The following INVS variants were observed in gnomAD, a reference collection of about 807,000 sequenced individuals.
The protein encoded by INVS is inversin, also known as inversion of embryo turning homolog.
In INVS, 86 loss-of-function variants were observed where a neutral mutation model predicts 108.8. The ratio of observed to expected loss-of-function variants is 0.79; its 90% confidence interval spans 0.66 to 0.95. The LOEUF (loss-of-function observed/expected upper bound fraction) is 0.95, where lower values mean the gene tolerates loss of function less well. Ranked by LOEUF, INVS falls within the 40% of genes least tolerant of loss-of-function variation. The pLI is 0.00. For missense variants in INVS, 1,169 were observed against 1,297.4 expected (o/e 0.90, Z 1.52); for synonymous variants, 455 against 473.5 (o/e 0.96, Z 0.51).
intron 3 of INVS, among the ~76,000 whole-genome samples, chr9:100,219,920 T>G (rs1831095383): frequency 6.6e-6 from 1 of 151,726 alleles, no homozygotes; most frequent in Non-Finnish European, 1.5e-5. Context: ...AATAGAAGCA[T>G]AAAAACATTC....
intron 7 of INVS, among the ~76,000 whole-genome samples, chr9:100,245,575 C>T (rs935473461): frequency 2.6e-5 from 4 of 152,124 alleles, no homozygotes; most frequent in African/African-American, 4.8e-5. Context: ...CCACTGCGCC[C>T]GGCCCAGTCC....
Position 100,233,422 on chromosome 9 carries a change from TGA to T in INVS, c.615+3601_615+3602del, listed in dbSNP as rs538020498. On this transcript the variant is annotated intron_variant, in intron 5 of 16. Coordinates refer to ENST00000262457, the MANE Select transcript of INVS (RefSeq NM_014425.5). ...CCAATACTATGTTGAATAGGAGTGG[TGA>T]GAGAGGGTATCCTTGTCTTGTGCCA... 7.2e-5 allele frequency among the ~76,000 whole-genome samples: 11 copies of T among 152,296 alleles called. No homozygotes were observed. The South Asian group carries it at 2.3e-3, about 32-fold the overall frequency.
chr9:100,183,354 GCAGA>G (rs2119079516), intron 3 of INVS, among the ~76,000 whole-genome samples: 1 of 152,268 alleles, frequency 6.6e-6, no homozygotes, highest in Admixed American at 6.5e-5. Context: ...ATAGGCACAT[GCAGA>G]CAGTAAAATA....
intron 4 of INVS, among the ~76,000 whole-genome samples, chr9:100,226,810 C>CAAAA (rs59853701): frequency 1.0e-4 from 8 of 78,788 alleles, no homozygotes; most frequent in Non-Finnish European, 1.8e-4. Flanking sequence ...GAGACTGTCT[C>CAAAA]AAAAAAAAAA....
intron 1 of INVS, among the ~76,000 whole-genome samples, 162 bp from the exon 2 acceptor site, chr9:100,104,336 A>G (rs1480011514): frequency 6.6e-6 from 1 of 152,216 alleles, no homozygotes; most frequent in African/African-American, 2.4e-5. Flanking sequence ...AACTGCTAGT[A>G]TTACAGATAT....
At chr9:100,127,122 G>A (rs1270126063) in intron 3 of INVS, among the ~76,000 whole-genome samples, 1 of 151,968 alleles carries the variant, frequency 6.6e-6, no homozygotes, top group East Asian at 1.9e-4. Flanking sequence ...CTTGAGCCTG[G>A]GAGGTTGAGG....
intron 3 of INVS, among the ~76,000 whole-genome samples, chr9:100,220,598 T>G (rs529700907): frequency 9.8e-5 from 15 of 152,294 alleles, no homozygotes; most frequent in African/African-American, 3.4e-4. Flanking sequence ...TCCTTCGCTC[T>G]TATACTATTT....
At chr9:100,189,173 AAC>A (rs1830148688) in intron 3 of INVS, among the ~76,000 whole-genome samples, 1 of 138,282 alleles carries the variant, frequency 7.2e-6, no homozygotes, top group East Asian at 1.9e-4. Context: ...CCTTGTCAAA[AAC>A]ACAGGTTTTT....
intron 3 of INVS, chr9:100,130,973 C>G (rs1331803899): frequency 6.6e-6 from 1 of 152,092 alleles, no homozygotes; most frequent in Non-Finnish European, 1.5e-5. Context: ...GAAGACCAAA[C>G]ATTCTCATAC....
At chr9:100,227,880 C>G (rs181446927) in intron 4 of INVS, among the ~76,000 whole-genome samples, 4 of 152,128 alleles carry the variant, frequency 2.6e-5, no homozygotes, top group African/African-American at 9.7e-5. Context: ...AAAACAATTA[C>G]GTAATCCTGC....
intron 3 of INVS, among the ~76,000 whole-genome samples, chr9:100,154,007 A>G (rs2118989627): frequency 6.6e-6 from 1 of 152,362 alleles, no homozygotes; most frequent in East Asian, 1.9e-4. Context: ...ACATAACAAT[A>G]TCCAGCAAAA....
At chr9:100,143,250 G>A (rs561116842) in intron 3 of INVS, among the ~76,000 whole-genome samples, 4 of 152,148 alleles carry the variant, frequency 2.6e-5, no homozygotes, top group Admixed American at 6.5e-5. Flanking sequence ...TTGGCACCAC[G>A]GGGTAGATAG....
chr9:100,187,080 A>G (rs1830076826), intron 3 of INVS, among the ~76,000 whole-genome samples: 1 of 152,050 alleles, frequency 6.6e-6, no homozygotes, highest in Admixed American at 6.6e-5. Context: ...ACATGTGCGT[A>G]TCCAGTTTTC....
intron 12 of INVS, among the ~76,000 whole-genome samples, chr9:100,283,220 C>T (rs1564189830): frequency 6.6e-6 from 1 of 152,270 alleles, no homozygotes; most frequent in East Asian, 1.9e-4. Flanking sequence ...GGGAGGATCG[C>T]TTGAGCCTGG....
At chr9:100,119,043 G>A (rs1827642845) in intron 2 of INVS, among the ~76,000 whole-genome samples, 1 of 152,180 alleles carries the variant, frequency 6.6e-6, no homozygotes, top group Non-Finnish European at 1.5e-5. Flanking sequence ...GTCTGTGTGT[G>A]TCTATTTACA....
chr9:100,199,656 C>T lies in INVS; in HGVS notation c.274-26406C>T, dbSNP rs150990675. Reference sequence around the variant, plus strand: ...CATTTTATTGTTTTCTGGTAGCCATCGGTTCCGATGAGAAGTACACCATCA... The same window carrying T: ...CATTTTATTGTTTTCTGGTAGCCATTGGTTCCGATGAGAAGTACACCATCA... On this transcript the variant is annotated intron_variant, in intron 3 of 16. Transcript: ENST00000262457. 1.8e-3 allele frequency among the ~76,000 whole-genome samples: 268 copies of T among 152,266 alleles called. 4 individuals carry two copies. The highest frequency in any genetic ancestry group is 0.015 in the Admixed American group (235 of 15,296).
chr9:100,146,020 G>C (rs1333799607), intron 3 of INVS, among the ~76,000 whole-genome samples: 1 of 152,206 alleles, frequency 6.6e-6, no homozygotes, highest in Non-Finnish European at 1.5e-5. Flanking sequence ...AGGACCCGAG[G>C]TCGTAGGTGG....
intron 3 of INVS, among the ~76,000 whole-genome samples, chr9:100,142,613 T>C (rs1310318201): frequency 6.6e-6 from 1 of 152,066 alleles, no homozygotes; most frequent in East Asian, 1.9e-4. Context: ...TGTGGGAGAC[T>C]CAACAAAGAG....
chr9:100,176,593 C>T (rs939873437), intron 3 of INVS, among the ~76,000 whole-genome samples: 3 of 152,092 alleles, frequency 2.0e-5, no homozygotes, highest in Non-Finnish European at 4.4e-5. Flanking sequence ...TCTCCTGCCT[C>T]AGCCTCCCAA....
Sources: gnomAD v4.1 joint callset for allele counts (sites outside exome capture counted in the v4.1 genomes callset) on GRCh38, gnomAD v4.1.1 for gene constraint, MANE v1.5 for transcripts, NCBI Gene and HGNC (gene_info 2026-07-23, HGNC 2026-07-21) for gene names.